Variants in RAP1GAP2 observed in about 807,000 individuals in gnomAD.
The protein encoded by RAP1GAP2 is rap1 GTPase-activating protein 2.
Under a neutral mutation model 95.0 loss-of-function variants are expected in RAP1GAP2, and 27 were observed. That is an observed-to-expected ratio of 0.28 (90% CI 0.21 to 0.39). RAP1GAP2 has a LOEUF of 0.39. RAP1GAP2 is among the 10% of genes least tolerant of loss of function. The pLI, the probability that RAP1GAP2 is intolerant of heterozygous loss-of-function variation, is 1.00. For synonymous variants in RAP1GAP2, 373 were observed against 380.9 expected (o/e 0.98, Z 0.24); for missense variants, 771 against 970.0 (o/e 0.79, Z 2.72).
chr17:2,793,413 C>T (rs143075144), upstream of RAP1GAP2, among the ~76,000 whole-genome samples: 888 of 152,316 alleles, frequency 5.8e-3, 7 homozygotes, highest in African/African-American at 0.02. Flanking sequence ...CTCGGTCTCC[C>T]AAAGTGTTGG....
chr17:2,907,954 G>A lies in RAP1GAP2; in HGVS notation c.165+2586G>A, dbSNP rs756778200. On this transcript the variant is annotated intron_variant, in intron 3 of 24. Transcript: ENST00000254695. Reference sequence around the variant, plus strand: ...CCCGAGTAGCTGGGATTACAGGTGCGTGCCACCACGCCTGGCTAACTTTTG... The same window carrying A: ...CCCGAGTAGCTGGGATTACAGGTGCATGCCACCACGCCTGGCTAACTTTTG... Among the ~76,000 whole-genome samples, 6 of 152,032 alleles carry A rather than the reference G, an allele frequency of 3.9e-5. No homozygotes were observed. The East Asian group carries it at 9.7e-4, about 24-fold the overall frequency.
At position 2,904,219 on chromosome 17, in the gene RAP1GAP2, C is replaced by T. The variant is rs1044643569; in HGVS notation, c.81-1065C>T. Reference sequence around the variant, plus strand: ...GAGCTTGTTCAGGACACTGGAGTCCCTCACCCGGGAATTCCCCAGGCTCTG... The same window carrying T: ...GAGCTTGTTCAGGACACTGGAGTCCTTCACCCGGGAATTCCCCAGGCTCTG... On this transcript the variant is annotated intron_variant, in intron 2 of 24. Transcript: ENST00000254695. This position sits in a 1 kb window ranked among gnomAD's most constrained non-coding sequence, Gnocchi z 4.7. 6.6e-6 allele frequency among the ~76,000 whole-genome samples: 1 copy of T among 152,174 alleles called. No individual in the cohort carries two copies. The highest frequency in any genetic ancestry group is 1.5e-5 in the Non-Finnish European group (1 of 68,044).
chr17:2,826,654 G>C (rs1295557544), intron 2 of RAP1GAP2, among the ~76,000 whole-genome samples: 2 of 152,088 alleles, frequency 1.3e-5, no homozygotes, highest in African/African-American at 2.4e-5. Flanking sequence ...GGGAGGGCCA[G>C]GCTAGGGTCC....
intron 3 of RAP1GAP2, among the ~76,000 whole-genome samples, chr17:2,950,056 TTCTTC>T (rs1447672712): frequency 8.1e-5 from 7 of 86,498 alleles, no homozygotes; most frequent in Non-Finnish European, 1.3e-4. Context: ...CTTCTTCTTC[TTCTTC>T]TTTTTTTTTT....
chr17:2,825,731 A>G lies in RAP1GAP2; in HGVS notation c.80+25181A>G, dbSNP rs572396351. ...GCGCAGAGTTAGTGCTCGTGACTGC[A>G]GCTGTTACTGAAGACAGAGCGTTTA... On this transcript the variant is annotated intron_variant, in intron 2 of 24. Transcript: ENST00000254695. The surrounding 1 kb of genome is among the most constrained non-coding windows in gnomAD (Gnocchi z 4.1). Among the ~76,000 whole-genome samples, 37 of 152,256 alleles carry G rather than the reference A, an allele frequency of 2.4e-4. No homozygotes were observed. Among genetic ancestry groups the G allele is most frequent in the Non-Finnish European group, 4.3e-4 (29 of 68,026 alleles).
chr17:3,007,189 C>T (rs576210191), intron 16 of RAP1GAP2, among the ~76,000 whole-genome samples: 134 of 152,088 alleles, frequency 8.8e-4, no homozygotes, highest in African/African-American at 2.9e-3. Context: ...GAGACTCAGC[C>T]GGAGATGTTG....
At chr17:2,836,775 C>T (rs1203591053) in intron 2 of RAP1GAP2, among the ~76,000 whole-genome samples, 1 of 152,172 alleles carries the variant, frequency 6.6e-6, no homozygotes, top group Non-Finnish European at 1.5e-5. Flanking sequence ...CATTCACAGG[C>T]ACCTCTCCCC....
upstream of RAP1GAP2, among the ~76,000 whole-genome samples, chr17:2,794,003 G>A (rs1451442153): frequency 6.6e-6 from 1 of 151,164 alleles, no homozygotes; most frequent in Non-Finnish European, 1.5e-5. Flanking sequence ...GGAGGCTGAG[G>A]CAGGGGAATC....
chr17:2,785,365 T>C (rs1421302850), intron 1 of RAP1GAP2, among the ~76,000 whole-genome samples: 3 of 151,698 alleles, frequency 2.0e-5, no homozygotes, highest in African/African-American at 7.3e-5. Context: ...CCTTGCCTAG[T>C]TCACAAGATA....
At chr17:2,850,490 T>C (rs1228059681) in intron 2 of RAP1GAP2, among the ~76,000 whole-genome samples, 1 of 151,540 alleles carries the variant, frequency 6.6e-6, no homozygotes, top group African/African-American at 2.4e-5. Context: ...GGCTCATGCC[T>C]GTAATCCCAG....
chr17:2,960,712 A>G (rs1050981604), intron 4 of RAP1GAP2, among the ~76,000 whole-genome samples: 23 of 152,220 alleles, frequency 1.5e-4, no homozygotes, highest in Admixed American at 2.6e-4. Flanking sequence ...GAGGCCACAG[A>G]GAGAGCTAGC....
At chr17:2,967,692 A>T (rs2044676212) in intron 8 of RAP1GAP2, among the ~76,000 whole-genome samples, 1 of 152,182 alleles carries the variant, frequency 6.6e-6, no homozygotes, top group South Asian at 2.1e-4. Context: ...TGCCAGGCCA[A>T]ATTGGAAACC....
At chr17:2,770,475 A>G in intron 2 of RAP1GAP2, 1 of 398,686 alleles carries the variant, frequency 2.5e-6, no homozygotes, top group Admixed American at 4.4e-5. Flanking sequence ...TGACCCTCAC[A>G]TTCTTTGGCC....
chr17:2,828,713 G>A (rs2070699213), intron 2 of RAP1GAP2, among the ~76,000 whole-genome samples: 1 of 152,162 alleles, frequency 6.6e-6, no homozygotes, highest in African/African-American at 2.4e-5. Flanking sequence ...GCTCATCACA[G>A]GCTCTACCTC....
At chr17:2,851,170 G>T (rs2071831771) in intron 2 of RAP1GAP2, among the ~76,000 whole-genome samples, 1 of 152,218 alleles carries the variant, frequency 6.6e-6, no homozygotes, top group African/African-American at 2.4e-5. Flanking sequence ...GTGGCGTGTG[G>T]CCCAATTGTG....
chr17:3,015,927 C>T (rs891107630), intron 17 of RAP1GAP2, among the ~76,000 whole-genome samples: 1 of 152,126 alleles, frequency 6.6e-6, no homozygotes, highest in Non-Finnish European at 1.5e-5. Context: ...CAGGTGTGCA[C>T]AGGTGTGAAT....
intron 2 of RAP1GAP2, among the ~76,000 whole-genome samples, chr17:2,858,350 G>A (rs1168253247): frequency 6.6e-6 from 1 of 152,138 alleles, no homozygotes; most frequent in Non-Finnish European, 1.5e-5. Flanking sequence ...TTGTTGTGGA[G>A]TATCATACCT....
intron 2 of RAP1GAP2, among the ~76,000 whole-genome samples, chr17:2,826,147 A>ATTTTTTTTT (rs71150901): frequency 7.3e-4 from 79 of 108,842 alleles, no homozygotes; most frequent in East Asian, 1.0e-3. Flanking sequence ...CGCCCAGCAA[A>ATTTTTTTTT]TTTTTTTTTT....
At chr17:2,793,081 A>G (rs1333291012), upstream of RAP1GAP2, among the ~76,000 whole-genome samples, 1 of 151,952 alleles carries the variant, frequency 6.6e-6, no homozygotes, top group Non-Finnish European at 1.5e-5. Context: ...AAGCGCATCA[A>G]CGTATACTCC....
Sources: allele counts gnomAD v4.1 joint callset (sites outside exome capture counted in the v4.1 genomes callset), GRCh38; gene constraint gnomAD v4.1.1; non-coding constraint Gnocchi (gnomAD v3.1); transcripts MANE v1.5; gene names NCBI Gene and HGNC (gene_info 2026-07-23, HGNC 2026-07-21).